NEIL3: variants seen among roughly 807,000 people sequenced by gnomAD.
The protein encoded by NEIL3 is nei like DNA glycosylase 3.
A neutral mutation model predicts 57.5 loss-of-function variants in NEIL3; 48 were observed. That is an observed-to-expected ratio of 0.83 (90% CI 0.66 to 1.06). The LOEUF (loss-of-function observed/expected upper bound fraction) is 1.06, where lower values mean the gene tolerates loss of function less well. Among genes scored for constraint, NEIL3 ranks in the 50% least tolerant of loss-of-function variants. The pLI, the probability that NEIL3 is intolerant of heterozygous loss-of-function variation, is 0.00. For synonymous variants in NEIL3, 261 were observed against 253.2 expected, an observed-to-expected ratio of 1.03 and a Z score of -0.29; for missense variants, 717 against 739.1, an observed-to-expected ratio of 0.97 and a Z score of 0.35.
At chr4:177,361,841 G>A (rs1008656195) in intron 9 of NEIL3, among the ~76,000 whole-genome samples, 1 of 151,980 alleles carries the variant, frequency 6.6e-6, no homozygotes, top group Non-Finnish European at 1.5e-5. Flanking sequence ...GCCCAGGCTG[G>A]TTTCAAACTC....
intron 2 of NEIL3, among the ~76,000 whole-genome samples, chr4:177,331,227 T>G (rs866131267): frequency 6.6e-6 from 1 of 152,170 alleles, no homozygotes; most frequent in Non-Finnish European, 1.5e-5. Context: ...CTCTGTTTTA[T>G]CTTTTTCATC....
chr4:177,322,409 T>C (rs1353797467), intron 1 of NEIL3, 50 bp from the exon 2 acceptor site: 2 of 1,606,472 alleles, frequency 1.2e-6, no homozygotes, highest in East Asian at 4.5e-5. Flanking sequence ...TGCTTTTGCT[T>C]AGAGTTTGTG....
chr4:177,314,900 AC>A (rs1283388356), intron 1 of NEIL3, among the ~76,000 whole-genome samples: 4 of 149,406 alleles, frequency 2.7e-5, no homozygotes, highest in Non-Finnish European at 4.4e-5. Flanking sequence ...ACACAGTGAA[AC>A]CCCGTATCTA....
At chr4:177,314,180 A>C (rs6817959) in intron 1 of NEIL3, among the ~76,000 whole-genome samples, 88,717 of 152,024 alleles carry the variant, frequency 0.58, 26,866 homozygotes, top group African/African-American at 0.76. Context: ...ATAATGATTT[A>C]TCCTTAATGA....
intron 6 of NEIL3, among the ~76,000 whole-genome samples, chr4:177,350,897 A>T (rs1735334843): frequency 6.6e-6 from 1 of 151,998 alleles, no homozygotes; most frequent in African/African-American, 2.4e-5. Context: ...TAGTTGTTAA[A>T]GGGGGGTCCA....
chr4:177,318,514 A>G (rs557291569), intron 1 of NEIL3, among the ~76,000 whole-genome samples: 1 of 152,336 alleles, frequency 6.6e-6, no homozygotes, highest in East Asian at 1.9e-4. Flanking sequence ...TTCCCCAGGA[A>G]ATTGGCAAAG....
At chr4:177,348,235 C>CA (rs1381934546) in intron 6 of NEIL3, among the ~76,000 whole-genome samples, 4 of 152,202 alleles carry the variant, frequency 2.6e-5, no homozygotes, top group African/African-American at 9.6e-5. Context: ...GCATGTCTAA[C>CA]ACGTTCCCAC....
chr4:177,366,523 T>C (rs942949654), downstream of NEIL3, among the ~76,000 whole-genome samples: 1 of 152,120 alleles, frequency 6.6e-6, no homozygotes, highest in Admixed American at 6.5e-5. Context: ...CTCAGCCTCC[T>C]GAGTAGCTGG....
intron 2 of NEIL3, among the ~76,000 whole-genome samples, chr4:177,328,531 G>A (rs1734823799): frequency 6.6e-6 from 1 of 152,132 alleles, no homozygotes; most frequent in Non-Finnish European, 1.5e-5. Context: ...AGACAACAGA[G>A]CAACGTTTGC....
the NEIL3 span, among the ~76,000 whole-genome samples, chr4:177,368,175 G>T: frequency 6.6e-6 from 1 of 152,074 alleles, no homozygotes; most frequent in East Asian, 1.9e-4. Context: ...ATACACAAAT[G>T]AAAATAATTG....
intron 2 of NEIL3, among the ~76,000 whole-genome samples, chr4:177,325,286 G>A (rs928897563): frequency 2.0e-5 from 3 of 151,972 alleles, no homozygotes; most frequent in African/African-American, 7.2e-5. Context: ...CATAGTTTCT[G>A]TACTATCATA....
At chr4:177,322,691 T>C (rs1456851365) in intron 2 of NEIL3, 111 bp downstream of exon 2, 6 of 1,232,278 alleles carry the variant, frequency 4.9e-6, no homozygotes, top group Non-Finnish European at 6.9e-6. Flanking sequence ...TACTGTGTTT[T>C]TAAGAGAGCT....
intron 6 of NEIL3, among the ~76,000 whole-genome samples, chr4:177,349,438 C>T (rs528369152): frequency 5.9e-5 from 9 of 152,122 alleles, no homozygotes; most frequent in Non-Finnish European, 1.2e-4. Flanking sequence ...TACATCACTG[C>T]AACCTCTGCC....
rs148027965 is a variant in NEIL3 at position 177,322,562 on chromosome 4, T to G, written c.260T>G (p.Phe87Cys). The G allele has an allele frequency of 1.2e-5, 19 of 1,613,774 alleles. No homozygotes were observed. The highest frequency in any genetic ancestry group is 1.6e-4 in the Middle Eastern group (1 of 6,082). Residue 87 changes from phenylalanine to cysteine, a missense_variant, in exon 2 of 10, where the codon TTT (phenylalanine) becomes TGT (cysteine). Phe to Cys is a radical substitution (Grantham distance 205). Transcript: ENST00000264596. ...TTGGGGAAGGAGCTCTTTATGTACT[T>G]TGGACCAAAAGCTTTACGGTAAGAT... ...ETLGKELFMY[F>C]GPKALRIHFG...
intron 8 of NEIL3, chr4:177,354,114 G>A (rs1409669654): frequency 1.7e-5 from 3 of 173,548 alleles, no homozygotes; most frequent in East Asian, 1.8e-4. Flanking sequence ...TGGTAAGGAA[G>A]TTGAATTACT....
chr4:177,326,507 T>A (rs895900015), intron 2 of NEIL3, among the ~76,000 whole-genome samples: 5 of 152,120 alleles, frequency 3.3e-5, no homozygotes, highest in Admixed American at 6.5e-5. Context: ...GTCGTCTGAC[T>A]TTATTCTTTT....
rs1278244515 is a variant in NEIL3, at chr4:177,362,736, G to T, written c.*265G>T. 3.9e-6 allele frequency: 1 copy of T among 255,752 alleles called. No individual in the cohort carries two copies. The highest frequency in any genetic ancestry group is 5.4e-5 in the Admixed American group (1 of 18,608). The allele number at this position is 255,752 out of a possible 1,614,324, so 15.8% of individuals were successfully genotyped here. On this transcript the variant is annotated 3_prime_UTR_variant, in exon 10 of 10. Transcript: ENST00000264596. ...TGTATTTAATGCATTTAGTAATGAC[G>T]ATAAAGTGTTTTTAGTATGCTTTTA...
intron 6 of NEIL3, among the ~76,000 whole-genome samples, chr4:177,345,729 A>C (rs1579001186): frequency 8.4e-6 from 1 of 118,392 alleles, no homozygotes; most frequent in Non-Finnish European, 1.7e-5. Flanking sequence ...TCAATCTATC[A>C]CCCAGGCCGG....
downstream of NEIL3, among the ~76,000 whole-genome samples, chr4:177,366,028 G>A (rs185768245): frequency 1.1e-3 from 172 of 152,268 alleles, 1 homozygote; most frequent in Admixed American, 2.7e-3. Flanking sequence ...AGATTTTAAA[G>A]CAGCTATTAT....
Sources: gnomAD v4.1 joint callset for allele counts (sites outside exome capture counted in the v4.1 genomes callset) on GRCh38, gnomAD v4.1.1 for gene constraint, MANE v1.5 for transcripts, NCBI Gene and HGNC (gene_info 2026-07-23, HGNC 2026-07-21) for gene names.